Variants in PBRM1 observed in about 807,000 individuals in gnomAD.
The protein encoded by PBRM1 is protein polybromo-1.
A neutral mutation model predicts 194.5 loss-of-function variants in PBRM1; 27 were observed. The observed-to-expected ratio is 0.14, with a 90% CI of 0.10 to 0.19. PBRM1 has a LOEUF of 0.19. PBRM1 is among the 10% of genes least tolerant of loss of function. The pLI is 1.00. For synonymous variants in PBRM1, 655 were observed against 693.2 expected, an observed-to-expected ratio of 0.94 and a Z score of 0.87; for missense variants, 1,466 against 2,077.2, an observed-to-expected ratio of 0.71 and a Z score of 5.72.
intron 9 of PBRM1, 52 bp downstream of exon 10, chr3:52,643,196 C>T: frequency 1.6e-6 from 2 of 1,258,518 alleles, no homozygotes; most frequent in South Asian, 1.2e-5. Context: ...TACTAGTATG[C>T]CTATCTTTAT....
chr3:52,565,860 C>T (rs1174414367), intron 22 of PBRM1, among the ~76,000 whole-genome samples: 1 of 152,054 alleles, frequency 6.6e-6, no homozygotes, highest in Non-Finnish European at 1.5e-5. Flanking sequence ...ACCGTCCTGG[C>T]TAACACGGTG....
chr3:52,580,421 C>T (rs1185269910), intron 20 of PBRM1, among the ~76,000 whole-genome samples: 4 of 151,958 alleles, frequency 2.6e-5, no homozygotes, highest in East Asian at 3.9e-4. Context: ...TGCAGTGGCG[C>T]GATATTGGCT....
At chr3:52,574,765 G>A (rs557597981) in intron 22 of PBRM1, among the ~76,000 whole-genome samples, 8 of 152,308 alleles carry the variant, frequency 5.3e-5, no homozygotes, top group Admixed American at 2.6e-4. Flanking sequence ...TCCACCATAC[G>A]CAGAGAAGTC....
At chr3:52,568,078 A>G (rs2085915783) in intron 22 of PBRM1, among the ~76,000 whole-genome samples, 1 of 152,038 alleles carries the variant, frequency 6.6e-6, no homozygotes, top group African/African-American at 2.4e-5. Flanking sequence ...TCCTGGGTTC[A>G]AGTGATTCTC....
At chr3:52,558,183 T>C (rs1459210132) in intron 26 of PBRM1, 66 bp downstream of exon 28, 2 of 1,234,614 alleles carry the variant, frequency 1.6e-6, no homozygotes, top group African/African-American at 1.5e-5. Context: ...CTACTCCTTA[T>C]TGGAGAAAAA....
At chr3:52,557,247 C>T (rs910048650) in intron 26 of PBRM1, among the ~76,000 whole-genome samples, 3 of 152,174 alleles carry the variant, frequency 2.0e-5, no homozygotes, top group East Asian at 1.9e-4. Flanking sequence ...CTGAGTTCAG[C>T]GACAGTGCAT....
chr3:52,547,877 CT>C (rs2079881360), downstream of PBRM1: 1 of 500,300 alleles, frequency 2.0e-6, no homozygotes, highest in Non-Finnish European at 3.5e-6. Flanking sequence ...ATAAAGTCAA[CT>C]TAATATAACA....
At chr3:52,616,812 G>A (rs1202260735) in intron 14 of PBRM1, among the ~76,000 whole-genome samples, 1 of 152,186 alleles carries the variant, frequency 6.6e-6, no homozygotes, top group East Asian at 1.9e-4. Flanking sequence ...GCTGTCTTTG[G>A]AGAAGTATGG....
chr3:52,558,811 T>C (rs1336959404), intron 25 of PBRM1, among the ~76,000 whole-genome samples: 1 of 152,252 alleles, frequency 6.6e-6, no homozygotes. Context: ...AGCAATTCCA[T>C]GGCCCATTAT....
chr3:52,650,467 A>G (rs1206283378), intron 6 of PBRM1, among the ~76,000 whole-genome samples: 1 of 151,884 alleles, frequency 6.6e-6, no homozygotes, highest in East Asian at 1.9e-4. Flanking sequence ...GTAAGTAAAC[A>G]CTGTTACTCT....
chr3:52,639,721 C>A (rs948772462), intron 10 of PBRM1, among the ~76,000 whole-genome samples: 2 of 151,860 alleles, frequency 1.3e-5, no homozygotes, highest in African/African-American at 4.8e-5. Flanking sequence ...CAGAGGGAGA[C>A]CCTGCCTTAA....
intron 22 of PBRM1, among the ~76,000 whole-genome samples, chr3:52,573,346 T>C (rs912286814): frequency 6.6e-6 from 1 of 151,974 alleles, no homozygotes; most frequent in Non-Finnish European, 1.5e-5. Context: ...CAGGCTGGAG[T>C]GCAGTGGCTT....
intron 7 of PBRM1, among the ~76,000 whole-genome samples, chr3:52,645,143 G>A (rs1347314894): frequency 3.3e-5 from 5 of 152,102 alleles, no homozygotes; most frequent in African/African-American, 9.7e-5. Context: ...GCCAAACCTG[G>A]AACACATTTC....
At chr3:52,675,439 A>T (rs1276239847) in intron 2 of PBRM1, among the ~76,000 whole-genome samples, 3 of 152,244 alleles carry the variant, frequency 2.0e-5, no homozygotes, top group African/African-American at 7.2e-5. Context: ...ATCCCTTATG[A>T]ATACTGATGC....
intron 17 of PBRM1, among the ~76,000 whole-genome samples, chr3:52,591,479 A>G (rs1477545155): frequency 1.4e-5 from 2 of 147,870 alleles, no homozygotes; most frequent in Non-Finnish European, 3.0e-5. Flanking sequence ...AGCCTTTTCT[A>G]CATCTATTGA....
intron 15 of PBRM1, among the ~76,000 whole-genome samples, chr3:52,613,552 C>T (rs13099535): frequency 1.3e-5 from 2 of 152,050 alleles, no homozygotes; most frequent in East Asian, 1.9e-4. Flanking sequence ...CTATGTTGCC[C>T]AGGCTGGTCT....
intron 2 of PBRM1, among the ~76,000 whole-genome samples, chr3:52,674,641 A>AT (rs1286851215): frequency 7.1e-3 from 541 of 75,850 alleles, no homozygotes; most frequent in Non-Finnish European, 0.014. Context: ...AAAAAAAAAA[A>AT]AAATATATAT....
chr3:52,563,428 G>A, exon 24 of PBRM1: 1 of 1,613,904 alleles, frequency 6.2e-7, no homozygotes, highest in Non-Finnish European at 8.5e-7. Context: ...GGCAAATTTA[G>A]CTTCTAGCAA....
At chr3:52,561,669 G>T in intron 25 of PBRM1, 98 bp downstream of exon 27, 1 of 1,032,462 alleles carries the variant, frequency 9.7e-7, no homozygotes. Context: ...AAAAGTTCAT[G>T]TGCAAGTGGT....
Sources: gnomAD v4.1 joint callset for allele counts (sites outside exome capture counted in the v4.1 genomes callset) on GRCh38, gnomAD v4.1.1 for gene constraint, MANE v1.5 for transcripts, NCBI Gene and HGNC (gene_info 2026-07-23, HGNC 2026-07-21) for gene names.